Variants in GNPAT observed in about 807,000 individuals in gnomAD.
The protein encoded by GNPAT is dihydroxyacetone phosphate acyltransferase.
In GNPAT, 30 loss-of-function variants were observed where a neutral mutation model predicts 78.4. The observed-to-expected ratio is 0.38, with a 90% CI of 0.29 to 0.52. GNPAT has a LOEUF of 0.52. Among genes scored for constraint, GNPAT ranks in the 20% least tolerant of loss-of-function variants. The probability of loss-of-function intolerance (pLI) is 0.84; values close to 1 mark genes in which losing one functional copy is unlikely to be tolerated. For missense variants in GNPAT, 714 were observed against 812.2 expected, an observed-to-expected ratio of 0.88 and a Z score of 1.47; for synonymous variants, 271 against 281.1, an observed-to-expected ratio of 0.96 and a Z score of 0.36.
chr1:231,242,574 A>G (rs1170930968), intron 1 of GNPAT, among the ~76,000 whole-genome samples: 1 of 152,124 alleles, frequency 6.6e-6, no homozygotes, highest in African/African-American at 2.4e-5. Flanking sequence ...TATCTTCCCC[A>G]CAGTTCTGTG....
chr1:231,264,945 G>A lies in GNPAT; in HGVS notation c.569-348G>A, dbSNP rs117225139. Among the ~76,000 whole-genome samples the A allele has an allele frequency of 8.2e-3, 1,252 of 152,294 alleles. 12 individuals carry two copies. The highest frequency in any genetic ancestry group is 0.012 in the Non-Finnish European group (785 of 68,026). ...AAGGTAACCTCCCAGTGAGCACCTG[G>A]CCCACAGAATCCCTTCTTTTCTATA... On this transcript the variant is annotated intron_variant, in intron 4 of 15. Transcript: ENST00000366647.
intron 1 of GNPAT, among the ~76,000 whole-genome samples, chr1:231,245,926 G>A (rs1481205575): frequency 1.3e-5 from 2 of 151,906 alleles, no homozygotes; most frequent in African/African-American, 2.4e-5. Flanking sequence ...CCGAGATTGC[G>A]CCATTGCACT....
intron 1 of GNPAT, among the ~76,000 whole-genome samples, chr1:231,243,255 G>A (rs766281526): frequency 1.2e-4 from 18 of 152,344 alleles, no homozygotes; most frequent in Middle Eastern, 3.4e-3. Context: ...CACCTGACCA[G>A]TTTGGGAACT....
rs748959666 is a variant in GNPAT at position 231,272,315 on chromosome 1, A to T, written c.1526A>T (p.Asp509Val). The T allele has an allele frequency of 8.4e-6, 13 of 1,542,688 alleles. No individual in the cohort carries two copies. Among genetic ancestry groups the T allele is most frequent in the South Asian group, 3.4e-5 (3 of 89,502 alleles). ...LQMTPGFRKE[D>V]VYSCFRFLRD... ...TACATGATGCATTTATTTCCAGAGG[A>T]TGTCTACAGTTGCTTTCGCTTCCTA... Residue 509 changes from aspartate (D) to valine (V), a missense_variant, in exon 11 of 16, where the codon GAT (aspartate) becomes GTT (valine). By Grantham distance (152) the Asp-to-Val change is radical. Transcript: ENST00000366647.
intron 8 of GNPAT, among the ~76,000 whole-genome samples, chr1:231,266,648 GATC>G (rs1685397554): frequency 6.6e-6 from 1 of 152,020 alleles, no homozygotes; most frequent in Non-Finnish European, 1.5e-5. Context: ...ATCAGACAAT[GATC>G]ATGTTTCTCA....
At chr1:231,275,349 T>G in intron 13 of GNPAT, 29 bp downstream of exon 13, 1 of 1,575,248 alleles carries the variant, frequency 6.3e-7, no homozygotes, top group Non-Finnish European at 8.7e-7. Context: ...GGTGCTGATT[T>G]CTTTTAGTTG....
At chr1:231,276,257 G>C (rs1019790910) in intron 15 of GNPAT, 61 bp downstream of exon 15, 3 of 802,878 alleles carry the variant, frequency 3.7e-6, no homozygotes, top group Non-Finnish European at 4.4e-6. Context: ...AAATAAGAAA[G>C]TATACTGTGG....
intron 1 of GNPAT, among the ~76,000 whole-genome samples, chr1:231,244,690 T>C (rs1166297131): frequency 6.6e-6 from 1 of 152,134 alleles, no homozygotes. Flanking sequence ...GAGATCCAAG[T>C]AGGGTTAGAA....
chr1:231,254,916 T>A (rs1685006375), intron 2 of GNPAT, among the ~76,000 whole-genome samples: 1 of 151,958 alleles, frequency 6.6e-6, no homozygotes, highest in Non-Finnish European at 1.5e-5. Flanking sequence ...TGCGCCTGGC[T>A]AATTTTTTGT....
intron 4 of GNPAT, among the ~76,000 whole-genome samples, chr1:231,263,067 T>C (rs1019516873): frequency 6.6e-6 from 1 of 152,186 alleles, no homozygotes; most frequent in Non-Finnish European, 1.5e-5. Flanking sequence ...GGTTCTTTGG[T>C]GTAGGCTTAA....
intron 2 of GNPAT, among the ~76,000 whole-genome samples, chr1:231,254,274 T>C (rs1164208744): frequency 6.6e-6 from 1 of 152,214 alleles, no homozygotes; most frequent in African/African-American, 2.4e-5. Flanking sequence ...AATTCATAAT[T>C]AGGCAGCACA....
At chr1:231,273,502 C>T (rs1269150714) in intron 11 of GNPAT, among the ~76,000 whole-genome samples, 1 of 152,160 alleles carries the variant, frequency 6.6e-6, no homozygotes, top group Non-Finnish European at 1.5e-5. Flanking sequence ...CCGCCCGCCT[C>T]AGCCTCTCAA....
At chr1:231,253,413 A>G (rs1684956053) in intron 2 of GNPAT, among the ~76,000 whole-genome samples, 1 of 152,270 alleles carries the variant, frequency 6.6e-6, no homozygotes, top group Admixed American at 6.5e-5. Context: ...GAAGAAAGAC[A>G]GTTGTCAAGC....
chr1:231,271,275 T>G (rs1266193816), intron 10 of GNPAT, among the ~76,000 whole-genome samples: 1 of 152,226 alleles, frequency 6.6e-6, no homozygotes, highest in African/African-American at 2.4e-5. Context: ...GGATCTGGCA[T>G]TTGAGTACAG....
intron 11 of GNPAT, among the ~76,000 whole-genome samples, chr1:231,272,626 T>C (rs1034162434): frequency 6.6e-6 from 1 of 152,236 alleles, no homozygotes; most frequent in African/African-American, 2.4e-5. Flanking sequence ...TTCTTTGAAC[T>C]ATCAGTGTGG....
chr1:231,277,212 C>T lies in GNPAT; in HGVS notation c.2000-287C>T, dbSNP rs147315497. 5.8e-4 allele frequency among the ~76,000 whole-genome samples: 89 copies of T among 152,310 alleles called. 1 individual carries two copies. The highest frequency in any genetic ancestry group is 1.1e-3 in the Non-Finnish European group (76 of 68,040). Reference sequence around the variant, plus strand: ...GGTGACGGAATCAATTACTTAATCACGGAAAGCAGATGTGATGTGAGCGTG... The same window carrying T: ...GGTGACGGAATCAATTACTTAATCATGGAAAGCAGATGTGATGTGAGCGTG... On this transcript the variant is annotated intron_variant, in intron 15 of 15. Transcript: ENST00000366647.
chr1:231,255,544 C>T (rs1685029715), intron 2 of GNPAT, among the ~76,000 whole-genome samples: 1 of 152,198 alleles, frequency 6.6e-6, no homozygotes, highest in Non-Finnish European at 1.5e-5. Flanking sequence ...CTGCCCCAGC[C>T]TCCTAAGTAG....
chr1:231,257,835 A>T (rs569070944), intron 2 of GNPAT, among the ~76,000 whole-genome samples: 13 of 152,308 alleles, frequency 8.5e-5, no homozygotes, highest in African/African-American at 2.9e-4. Context: ...GAATCTGTAT[A>T]GCTAACTAAT....
At chr1:231,264,974 C>T (rs1685334886) in intron 4 of GNPAT, among the ~76,000 whole-genome samples, 1 of 152,194 alleles carries the variant, frequency 6.6e-6, no homozygotes, top group African/African-American at 2.4e-5. Flanking sequence ...TTCTATAATT[C>T]TATTAGGTAT....
Sources: allele counts gnomAD v4.1 joint callset (sites outside exome capture counted in the v4.1 genomes callset), GRCh38; gene constraint gnomAD v4.1.1; transcripts MANE v1.5; gene names NCBI Gene and HGNC (gene_info 2026-07-23, HGNC 2026-07-21).